The following SLTM variants were observed in gnomAD, a reference collection of about 807,000 sequenced individuals.
The protein encoded by SLTM is SAFB like transcription modulator.
Under a neutral mutation model 134.6 loss-of-function variants are expected in SLTM, and 43 were observed. The ratio of observed to expected loss-of-function variants is 0.32; its 90% CI spans 0.25 to 0.41. The LOEUF is 0.41. SLTM is among the 10% of genes least tolerant of loss of function. SLTM has a pLI of 1.00. For missense variants in SLTM, 1,055 were observed against 1,288.8 expected (o/e 0.82, Z 2.78); for synonymous variants, 424 against 432.3 (o/e 0.98, Z 0.24).
Position 58,898,838 on chromosome 15 carries a change from G to A in SLTM, c.1073C>T (p.Ser358Phe). The change falls in exon 8 of 21, where the codon TCT becomes TTT. Residue 358 changes from serine (S) to phenylalanine (F), a missense_variant. Transcript: ENST00000380516. ...TTTAGATGATGTCTTGCTGTCTTTA[G>A]ATTCCTTTGAAGAGCTAAAGAGGCA... ...SGQAKSSSKE[S>F]KDSKTSSKDD... 1 of 1,609,198 alleles carries A rather than the reference G, an allele frequency of 6.2e-7. No homozygotes were observed. The highest frequency in any genetic ancestry group is 8.5e-7 in the Non-Finnish European group (1 of 1,178,148).
chr15:58,927,363 A>G (rs1037472211), intron 2 of SLTM, among the ~76,000 whole-genome samples: 11 of 152,150 alleles, frequency 7.2e-5, no homozygotes, highest in Middle Eastern at 3.4e-3. Flanking sequence ...TCTGCCTCCC[A>G]GGTTCAAGAG....
At chr15:58,921,491 G>A (rs776911770) in intron 2 of SLTM, 5 of 330,380 alleles carry the variant, frequency 1.5e-5, no homozygotes, top group Non-Finnish European at 3.2e-5. Context: ...CAGCACTGGG[G>A]TATGTAAAAA....
In SLTM at chr15:58,933,059, A is replaced by C. The variant is rs568962584; in HGVS notation, c.162+345T>G. Among the ~76,000 whole-genome samples the C allele has an allele frequency of 4.1e-4, 63 of 152,286 alleles. 1 individual carries two copies. The highest frequency in any genetic ancestry group is 3.7e-3 in the Admixed American group (57 of 15,302). On this transcript the variant is annotated intron_variant, in intron 1 of 20. Coordinates refer to ENST00000380516, the MANE Select transcript of SLTM (RefSeq NM_024755.4). ...AAATGCACACGCTCACCATGGCTAAAGGCTGGGGAGCCAGCGCCTCCCAGG... is the reference window on the plus strand; with the variant it reads ...AAATGCACACGCTCACCATGGCTAACGGCTGGGGAGCCAGCGCCTCCCAGG...
chr15:58,933,091 C>G (rs1292462472), intron 1 of SLTM, among the ~76,000 whole-genome samples: 3 of 152,138 alleles, frequency 2.0e-5, no homozygotes, highest in Non-Finnish European at 2.9e-5. Context: ...CAGGTCTCCG[C>G]GATCGCCCTT....
intron 5 of SLTM, among the ~76,000 whole-genome samples, chr15:58,903,304 G>T (rs1307521109): frequency 6.6e-6 from 1 of 152,154 alleles, no homozygotes; most frequent in Non-Finnish European, 1.5e-5. Flanking sequence ...CAAAGTGCTG[G>T]GATTACAGGC....
At chr15:58,895,793 T>C (rs2035035445) in intron 9 of SLTM, among the ~76,000 whole-genome samples, 1 of 152,166 alleles carries the variant, frequency 6.6e-6, no homozygotes, top group Admixed American at 6.5e-5. Context: ...ATTCTCAGTG[T>C]TCTATTTCTG....
chr15:58,921,629 G>A (rs373316599), intron 2 of SLTM: 1 of 424,486 alleles, frequency 2.4e-6, no homozygotes. Flanking sequence ...GATGAAACTG[G>A]AGTAACAACC....
intron 9 of SLTM, among the ~76,000 whole-genome samples, chr15:58,895,922 C>T (rs2035044651): frequency 6.6e-6 from 1 of 152,062 alleles, no homozygotes; most frequent in African/African-American, 2.4e-5. Flanking sequence ...CAATAATGGT[C>T]ACTAATTCAG....
intron 20 of SLTM, among the ~76,000 whole-genome samples, chr15:58,880,391 C>T (rs761569289): frequency 6.6e-6 from 1 of 152,128 alleles, no homozygotes; most frequent in Non-Finnish European, 1.5e-5. Flanking sequence ...TGTGGATCTG[C>T]ACGTGGACTA....
chr15:58,879,386 T>C lies in SLTM; in HGVS notation c.*613A>G, dbSNP rs2033518518. The C allele has an allele frequency of 6.6e-6, 1 of 152,622 alleles. No individual in the cohort carries two copies. The highest frequency in any genetic ancestry group is 2.1e-4 in the South Asian group (1 of 4,828). 9.5% of individuals were successfully genotyped at this position (152,622 alleles called of 1,614,324 possible). ...GCTGCTACACTAAACTGAAAATCGG[T>C]TCTCATTTTACAATTAAAAAGGTTC... is the stretch of plus-strand genomic sequence containing the variant. On this transcript the variant is annotated 3_prime_UTR_variant, in exon 21 of 21. Coordinates refer to ENST00000380516, the MANE Select transcript of SLTM (RefSeq NM_024755.4).
chr15:58,929,601 T>C (rs1291651699), intron 2 of SLTM, among the ~76,000 whole-genome samples: 1 of 152,228 alleles, frequency 6.6e-6, no homozygotes, highest in African/African-American at 2.4e-5. Context: ...TTAATTCTTT[T>C]TTAAAATAGA....
intron 14 of SLTM, among the ~76,000 whole-genome samples, chr15:58,890,836 T>G (rs113140481): frequency 1.8e-4 from 27 of 152,336 alleles, no homozygotes; most frequent in African/African-American, 6.5e-4. Context: ...TGGAAAAAGC[T>G]CTAATCCCTA....
intron 13 of SLTM, 63 bp downstream of exon 13, chr15:58,893,216 A>G: frequency 2.7e-6 from 4 of 1,483,496 alleles, no homozygotes; most frequent in South Asian, 2.4e-5. Flanking sequence ...TTATGGAAAA[A>G]CAGAATTATC....
At chr15:58,888,782 GC>G (rs2034427504) in intron 16 of SLTM, 1 of 382,268 alleles carries the variant, frequency 2.6e-6, no homozygotes, top group African/African-American at 2.1e-5. Context: ...TTGAAAAACT[GC>G]CTGTCTTTTC....
chr15:58,894,286 T>C (rs771452306), intron 10 of SLTM, 93 bp from the exon 11 acceptor site: 89 of 1,403,406 alleles, frequency 6.3e-5, no homozygotes, highest in African/African-American at 1.3e-4. Context: ...TTGGAAACGA[T>C]AGGAAAAATA....
intron 5 of SLTM, among the ~76,000 whole-genome samples, chr15:58,910,984 T>A (rs1231361495): frequency 3.9e-5 from 6 of 152,130 alleles, no homozygotes; most frequent in African/African-American, 1.2e-4. Context: ...GACCTTGTGA[T>A]CTGCCTGCCT....
intron 14 of SLTM, 27 bp from the exon 15 acceptor site, chr15:58,890,488 C>G (rs1323595130): frequency 3.7e-6 from 6 of 1,608,028 alleles, no homozygotes; most frequent in Non-Finnish European, 5.1e-6. Flanking sequence ...TTTAGAAATA[C>G]TTAAATTATG....
chr15:58,920,619 T>C (rs1265594395), intron 2 of SLTM, among the ~76,000 whole-genome samples: 1 of 126,798 alleles, frequency 7.9e-6, no homozygotes, highest in Non-Finnish European at 1.6e-5. Flanking sequence ...TGGGACTCCA[T>C]CTCAAAATAA....
At chr15:58,919,510 G>A (rs1412274015) in intron 2 of SLTM, among the ~76,000 whole-genome samples, 1 of 152,010 alleles carries the variant, frequency 6.6e-6, no homozygotes, top group East Asian at 1.9e-4. Flanking sequence ...TGAGGTGGGA[G>A]GACTGCTTGA....
Sources: gnomAD v4.1 joint callset for allele counts (sites outside exome capture counted in the v4.1 genomes callset) on GRCh38, gnomAD v4.1.1 for gene constraint, MANE v1.5 for transcripts, NCBI Gene and HGNC (gene_info 2026-07-23, HGNC 2026-07-21) for gene names.